TTN: variants seen among roughly 807,000 people sequenced by gnomAD.
TTN encodes the protein connectin.
In TTN, 1,525 loss-of-function variants were observed where a neutral mutation model predicts 3,223.0. That is an observed-to-expected ratio of 0.47 (90% CI 0.45 to 0.49). The LOEUF is 0.49. TTN is among the 20% of genes least tolerant of loss of function. The pLI is 0.00. For synonymous variants in TTN, 14,094 were observed against 15,161.0 expected, an observed-to-expected ratio of 0.93 and a Z score of 5.17; for missense variants, 40,786 against 43,424.0, an observed-to-expected ratio of 0.94 and a Z score of 5.40.
rs1310026906 is a variant in TTN, at chr2:178,594,703, T to C, written c.57848-57A>G. ...AAAAAATGTCACATTAAGAATGTAG[T>C]AGGATGTAGTGAATATTCCTTTTCT... On this transcript the variant is annotated intron_variant, in intron 295 of 362. Transcript: ENST00000589042. 6 of 1,375,288 alleles carry C rather than the reference T, an allele frequency of 4.4e-6. No individual in the cohort carries two copies. The Admixed American group carries it at 1.1e-4, about 25-fold the overall frequency. 85.2% of individuals were successfully genotyped at this position (1,375,288 alleles called of 1,614,324 possible).
At chr2:178,749,402 A>T (rs2084703702) in intron 47 of TTN, 6 of 1,612,850 alleles carry the variant, frequency 3.7e-6, no homozygotes, top group South Asian at 1.1e-5. Context: ...AAATCTGGGA[A>T]TTTTTTCTCT....
chr2:178,591,260 A>G lies in TTN; in HGVS notation c.60465T>C (p.Asn20155=), dbSNP rs1258495179. 6.2e-7 allele frequency: 1 copy of G among 1,613,208 alleles called. No individual in the cohort carries two copies. Among genetic ancestry groups the G allele is most frequent in the Non-Finnish European group, 8.5e-7 (1 of 1,179,522 alleles). Residue 20155 remains asparagine, a synonymous_variant, in exon 304 of 363, where the codon AAT becomes AAC. Coordinates refer to ENST00000589042, the MANE Select transcript of TTN (RefSeq NM_001267550.2). Reference sequence around the variant, plus strand: ...CGGCTACTGTTTTGCTACCGGCTGCATTGGAAACTGTGATTTGATATTCCC... The same window carrying G: ...CGGCTACTGTTTTGCTACCGGCTGCGTTGGAAACTGTGATTTGATATTCCC... ...DTGEYQITVS[N]AAGSKTVAVH...
chr2:178,593,149 T>A (rs753990664), intron 299 of TTN, 24 bp downstream of exon 299: 1 of 1,610,604 alleles, frequency 6.2e-7, no homozygotes, highest in South Asian at 1.1e-5. Context: ...ACATGAAAAC[T>A]GAATAAATCC....
chr2:178,794,687 A>G (rs1247949050), intron 7 of TTN, 136 bp from the exon 8 acceptor site: 2 of 1,154,808 alleles, frequency 1.7e-6, no homozygotes. Flanking sequence ...CAAGAAATAC[A>G]GAGACTGTAT....
chr2:178,551,425 C>T (rs569462693), intron 335 of TTN, among the ~76,000 whole-genome samples, 165 bp from the exon 336 acceptor site: 1 of 152,220 alleles, frequency 6.6e-6, no homozygotes, highest in East Asian at 1.9e-4. Flanking sequence ...TTAATTTCAA[C>T]TTTCCATTTC....
Position 178,553,947 on chromosome 2 carries a change from G to C in TTN, c.89164C>G (p.Pro29722Ala). The change falls in exon 333 of 363, where the codon CCA (proline) becomes GCA (alanine). Residue 29722 changes from proline (P) to alanine (A), a missense_variant. Pro to Ala is a conservative substitution (Grantham distance 27). Transcript: ENST00000589042. ...TCAGCAGCTTTGTAGAATTCAGATG[G>C]TTCAGAAAATGGACCCTGTCCAGCA... ...NAAGQGPFSE[P>A]SEFYKAADPI... 1.9e-6 allele frequency: 3 copies of C among 1,606,656 alleles called. No homozygotes were observed. Among genetic ancestry groups the C allele is most frequent in the Non-Finnish European group, 2.5e-6 (3 of 1,177,976 alleles).
Position 178,767,810 on chromosome 2 carries a change from G to C in TTN, c.9420C>G (p.Leu3140=), listed in dbSNP as rs376571708. ...TGCGAACATCTCTGCCTTCTACAAA[G>C]AGTTTTGCAGTTGACACGTTGCCTC... is the stretch of plus-strand genomic sequence containing the variant. ...VAGGNVSTAK[L]FVEGRDVRIR... is the part of the protein sequence containing the mutation. Residue 3140 remains leucine, a synonymous_variant, in exon 40 of 363, where the codon CTC becomes CTG. Coordinates refer to ENST00000589042, the MANE Select transcript of TTN (RefSeq NM_001267550.2). The C allele has an allele frequency of 2.5e-6, 4 of 1,614,008 alleles. No homozygotes were observed. In the African/African-American group the frequency reaches 4.0e-5, roughly 16 times the overall value.
chr2:178,672,472 A>T lies in TTN; in HGVS notation c.34865T>A (p.Val11622Glu). Residue 11622 changes from valine (V) to glutamate (E), a missense_variant, in exon 154 of 363, where the codon GTA becomes GAA. Physicochemically the swap from Val to Glu is moderately radical, Grantham distance 121. Transcript: ENST00000589042. ...KEAPPAKVPE[V>E]PKKVPEKKVL... ...TTTCTTTTCTGGGACTTTCTTTGGT[A>T]CTTCAGGCACTTTAAAGATACAGTT... The T allele has an allele frequency of 6.3e-7, 1 of 1,598,042 alleles. No homozygotes were observed. The highest frequency in any genetic ancestry group is 1.4e-5 in the African/African-American group (1 of 73,742).
Position 178,534,813 on chromosome 2 carries a change from A to G in TTN, c.101802T>C (p.Asn33934=). The G allele has an allele frequency of 6.2e-7, 1 of 1,611,220 alleles. No individual in the cohort carries two copies. Among genetic ancestry groups the G allele is most frequent in the South Asian group, 1.1e-5 (1 of 91,088 alleles). Residue 33934 remains asparagine, a synonymous_variant, in exon 358 of 363, where the codon AAT becomes AAC. Coordinates refer to ENST00000589042, the MANE Select transcript of TTN (RefSeq NM_001267550.2). The part of the protein sequence containing the change: ...CEALQFLHSH[N]IGHFDIRPEN... ...CTGGTCTAATGTCAAAGTGTCCAAT[A>G]TTATGACTGTGTAAAAACTGAAGTG...
chr2:178,704,839 T>C (rs2075601675), intron 104 of TTN, 38 bp downstream of exon 104: 1 of 1,610,546 alleles, frequency 6.2e-7, no homozygotes, highest in Non-Finnish European at 8.5e-7. Context: ...TACTCAATAA[T>C]AACTTGTTCA....
At chr2:178,751,333 T>C (rs1428449334) in intron 47 of TTN, 1 of 1,609,568 alleles carries the variant, frequency 6.2e-7, no homozygotes, top group Non-Finnish European at 8.5e-7. Context: ...AACTTTCACC[T>C]ACATTAAGCC....
chr2:178,616,726 T>C lies in TTN; in HGVS notation c.48160+3A>G. ...CTTAGATGATAAATGTTTTGTTCCT[T>C]ACCAATTACATTGACATCAATTTCC... On this transcript the variant is annotated splice_donor_region_variant and intron_variant, in intron 256 of 362. Coordinates refer to ENST00000589042, the MANE Select transcript of TTN (RefSeq NM_001267550.2). 2 of 1,612,426 alleles carry C rather than the reference T, an allele frequency of 1.2e-6. No individual in the cohort carries two copies. Among genetic ancestry groups the C allele is most frequent in the Non-Finnish European group, 1.7e-6 (2 of 1,179,096 alleles).
At position 178,527,324 on chromosome 2, in the gene TTN, CAAAA is replaced by C. The variant is rs148707308; in HGVS notation, c.107681-21_107681-18del. 6.8e-5 allele frequency: 107 copies of C among 1,564,378 alleles called. No homozygotes were observed. In the East Asian group the frequency reaches 2.2e-3, roughly 32 times the overall value. On this transcript the variant is annotated intron_variant, in intron 362 of 362. Transcript: ENST00000589042. Reference sequence around the variant, plus strand: ...GCGGAATTCCTTTATGGAACAATGACAAAAAAAAGGTCTTAGAATCACTGAAAAA... The same window carrying C: ...GCGGAATTCCTTTATGGAACAATGACAAAAGGTCTTAGAATCACTGAAAAA...
At position 178,652,254 on chromosome 2, in the gene TTN, G is replaced by C. The variant is rs1264648666; in HGVS notation, c.39211+10C>G. The C allele has an allele frequency of 1.1e-5, 18 of 1,613,364 alleles. No individual in the cohort carries two copies. Among genetic ancestry groups the C allele is most frequent in the Admixed American group, 1.7e-5 (1 of 59,972 alleles). On this transcript the variant is annotated intron_variant, in intron 203 of 362. Transcript: ENST00000589042. ...AACAATATCAAACACAGCACCATGA[G>C]GGTGTCTACCTTTTGTGGGTGGCAC...
rs2050119125 is a variant in TTN, at chr2:178,591,160, T to C, written c.60565A>G (p.Met20189Val). The C allele has an allele frequency of 4.3e-6, 7 of 1,613,358 alleles. No individual in the cohort carries two copies. Among genetic ancestry groups the C allele is most frequent in the Non-Finnish European group, 5.1e-6 (6 of 1,179,548 alleles). ...TTAGGTGGCTGCCATGAGATAGTCA[T>C]GTGTTCAGGAGTAACATCCAGAATA... Reference protein sequence around the residue: ...INILDVTPEHMTISWQPPKDD... With the variant: ...INILDVTPEHVTISWQPPKDD... Residue 20189 changes from methionine (M) to valine (V), a missense_variant, in exon 304 of 363, where the codon ATG becomes GTG. Transcript: ENST00000589042.
chr2:178,529,028 C>A lies in TTN; in HGVS notation c.106723G>T (p.Glu35575Ter). 1 of 1,613,976 alleles carries A rather than the reference C, an allele frequency of 6.2e-7. No homozygotes were observed. The highest frequency in any genetic ancestry group is 8.5e-7 in the Non-Finnish European group (1 of 1,179,880). ...GAGGTTGCTGCTGATTTCTTGACTT[C>A]TTCAGAAATCAGAACCTTTGAAGCT... Reference protein sequence around the residue: ...EEASKVLISEEVKKSAATSLE... With the variant: ...EEASKVLISE The change falls in exon 360 of 363, where the codon GAA (glutamate) becomes TAA (stop). Residue 35575 changes from glutamate (E) to a stop codon, truncating the protein, a stop_gained. Transcript: ENST00000589042. LOFTEE classifies it high-confidence loss of function.
At chr2:178,765,600 G>A (rs1388259629) in intron 41 of TTN, among the ~76,000 whole-genome samples, 5 of 152,142 alleles carry the variant, frequency 3.3e-5, no homozygotes, top group Non-Finnish European at 7.3e-5. Context: ...GGGAATGCTG[G>A]CGATATGGTT....
rs565347600 is a variant in TTN, at chr2:178,534,286, C to T, written c.102329G>A (p.Arg34110Gln). ...TCGAATTGCACCACCACAGGAGATC[C>T]GGGCTGCTGACACAACCATGTTGAG... ...KDLNMVVSAA[R>Q]ISCGGAIRSQ... Residue 34110 changes from arginine (R) to glutamine (Q), a missense_variant, in exon 358 of 363, where the codon CGG becomes CAG. Physicochemically the swap from Arg to Gln is conservative, Grantham distance 43. Coordinates refer to ENST00000589042, the MANE Select transcript of TTN (RefSeq NM_001267550.2). The T allele has an allele frequency of 1.6e-5, 26 of 1,613,842 alleles. No homozygotes were observed. The South Asian group carries it at 1.6e-4, about 10-fold the overall frequency.
intron 242 of TTN, 126 bp downstream of exon 242, chr2:178,624,339 C>A: frequency 8.5e-7 from 1 of 1,175,022 alleles, no homozygotes; most frequent in South Asian, 1.3e-5. Flanking sequence ...AGGTCAGTGT[C>A]AATACTAGAA....
Sources: allele counts gnomAD v4.1 joint callset (sites outside exome capture counted in the v4.1 genomes callset), GRCh38; gene constraint gnomAD v4.1.1; transcripts MANE v1.5; gene names NCBI Gene and HGNC (gene_info 2026-07-23, HGNC 2026-07-21).